MAGI1: variants seen among roughly 807,000 people sequenced by gnomAD.
The protein encoded by MAGI1 is membrane associated guanylate kinase, WW and PDZ domain containing 1, also known as membrane-associated guanylate kinase, WW and PDZ domain-containing protein 1.
MAGI1 carries 58 observed loss-of-function variants against 139.9 expected under a neutral mutation model. The observed-to-expected ratio is 0.41, with a 90% CI of 0.34 to 0.52. The LOEUF (loss-of-function observed/expected upper bound fraction) is 0.52. Ranked by LOEUF, MAGI1 falls within the 20% of genes least tolerant of loss-of-function variation. MAGI1 has a pLI of 0.12. For missense variants in MAGI1, 1,874 were observed against 1,901.6 expected, an observed-to-expected ratio of 0.99 and a Z score of 0.27; for synonymous variants, 812 against 737.9, an observed-to-expected ratio of 1.10 and a Z score of -1.63.
At chr3:65,388,912 G>A (rs1317769006) in intron 14 of MAGI1, among the ~76,000 whole-genome samples, 2 of 128,628 alleles carry the variant, frequency 1.6e-5, no homozygotes, top group African/African-American at 6.0e-5. Flanking sequence ...GCATGATCTC[G>A]GCTCACTGCA....
At chr3:65,793,985 G>C (rs1481301857) in intron 1 of MAGI1, among the ~76,000 whole-genome samples, 1 of 152,130 alleles carries the variant, frequency 6.6e-6, no homozygotes, top group African/African-American at 2.4e-5. Context: ...CTGTCTTTAT[G>C]TCAAACCCAC....
intron 1 of MAGI1, among the ~76,000 whole-genome samples, chr3:65,854,273 C>A (rs2059302116): frequency 6.6e-6 from 1 of 151,210 alleles, no homozygotes; most frequent in Non-Finnish European, 1.5e-5. Context: ...CAAAGTGAGA[C>A]CCTGTTTCAA....
intron 5 of MAGI1, among the ~76,000 whole-genome samples, chr3:65,461,603 C>G (rs1460521911): frequency 6.6e-6 from 1 of 151,798 alleles, no homozygotes; most frequent in Non-Finnish European, 1.5e-5. Flanking sequence ...ATTCTCCTGC[C>G]TCAGCCTCCC....
At chr3:65,515,549 T>C (rs2077826267) in intron 2 of MAGI1, among the ~76,000 whole-genome samples, 1 of 152,194 alleles carries the variant, frequency 6.6e-6, no homozygotes, top group African/African-American at 2.4e-5. Context: ...TCTTTGGTAG[T>C]TGTCCCTTAT....
intron 2 of MAGI1, among the ~76,000 whole-genome samples, chr3:65,528,687 C>T (rs2078499451): frequency 6.6e-6 from 1 of 152,150 alleles, no homozygotes; most frequent in South Asian, 2.1e-4. Context: ...AATGTCAACT[C>T]CCAATATTTC....
At chr3:65,940,229 G>T (rs2063243183) in intron 1 of MAGI1, among the ~76,000 whole-genome samples, 1 of 152,194 alleles carries the variant, frequency 6.6e-6, no homozygotes, top group African/African-American at 2.4e-5. Context: ...AGGAATGGCT[G>T]CTCAAAGAAT....
intron 12 of MAGI1, among the ~76,000 whole-genome samples, chr3:65,416,649 A>G (rs1488879704): frequency 2.6e-5 from 4 of 152,224 alleles, no homozygotes; most frequent in Admixed American, 6.5e-5. Context: ...TGTTGAGAAC[A>G]TTAGAAATGC....
chr3:65,609,744 C>T (rs961020903), intron 2 of MAGI1: 5 of 327,202 alleles, frequency 1.5e-5, no homozygotes, highest in Admixed American at 9.2e-5. Context: ...ACCACCATAC[C>T]TGGGTAATTT....
At chr3:66,024,380 C>T (rs1010676721) in intron 1 of MAGI1, among the ~76,000 whole-genome samples, 1 of 145,410 alleles carries the variant, frequency 6.9e-6, no homozygotes, top group Non-Finnish European at 1.5e-5. Context: ...AAAATCTACA[C>T]TAGAAACACC....
At chr3:65,806,321 C>T (rs1482327611) in intron 1 of MAGI1, among the ~76,000 whole-genome samples, 1 of 151,462 alleles carries the variant, frequency 6.6e-6, no homozygotes, top group African/African-American at 2.4e-5. Context: ...CCCAGCTACT[C>T]GGGAGGCTGA....
At chr3:65,709,137 T>C (rs1214265347) in intron 1 of MAGI1, among the ~76,000 whole-genome samples, 1 of 152,360 alleles carries the variant, frequency 6.6e-6, no homozygotes. Flanking sequence ...ATACACTACA[T>C]GGCCGTTCTC....
intron 1 of MAGI1, among the ~76,000 whole-genome samples, chr3:65,817,643 G>C (rs1376331027): frequency 6.6e-6 from 1 of 152,214 alleles, no homozygotes; most frequent in African/African-American, 2.4e-5. Flanking sequence ...AAGAAAGAGG[G>C]AGAGTGATTA....
intron 7 of MAGI1, among the ~76,000 whole-genome samples, chr3:65,446,134 A>G (rs1486522886): frequency 6.6e-6 from 1 of 152,186 alleles, no homozygotes; most frequent in East Asian, 1.9e-4. Flanking sequence ...GTGTTAATGG[A>G]AAAAAGTACC....
chr3:65,387,302 T>G, intron 14 of MAGI1: 1 of 1,097,500 alleles, frequency 9.1e-7, no homozygotes, highest in Non-Finnish European at 1.4e-6. Context: ...TTAGTTTTGA[T>G]TGATAAGGAA....
chr3:65,678,672 G>C (rs757509212), intron 1 of MAGI1, among the ~76,000 whole-genome samples: 29 of 152,140 alleles, frequency 1.9e-4, no homozygotes, highest in Non-Finnish European at 3.5e-4. Context: ...CTGAGAGCAG[G>C]AAGCCCAGAG....
At chr3:65,460,337 C>G (rs1199754335) in intron 5 of MAGI1, among the ~76,000 whole-genome samples, 1 of 152,096 alleles carries the variant, frequency 6.6e-6, no homozygotes, top group Non-Finnish European at 1.5e-5. Context: ...GTTTTGTTAT[C>G]AAGGTAATAT....
intron 2 of MAGI1, among the ~76,000 whole-genome samples, chr3:65,541,022 T>C (rs1472634625): frequency 1.3e-5 from 2 of 152,142 alleles, no homozygotes; most frequent in Non-Finnish European, 2.9e-5. Context: ...ATAAAAAAGT[T>C]TGAAAAGATA....
chr3:65,812,097 C>A (rs138904305), intron 1 of MAGI1, among the ~76,000 whole-genome samples: 1 of 152,024 alleles, frequency 6.6e-6, no homozygotes, highest in South Asian at 2.1e-4. Flanking sequence ...TGTGTCTCTC[C>A]GTAACTCAAA....
chr3:65,733,423 G>C (rs945570452), intron 1 of MAGI1, among the ~76,000 whole-genome samples: 2 of 152,136 alleles, frequency 1.3e-5, no homozygotes, highest in Admixed American at 6.5e-5. Flanking sequence ...CTATATTTTA[G>C]AATGTTTGAC....
Sources: gnomAD v4.1 joint callset for allele counts (sites outside exome capture counted in the v4.1 genomes callset) on GRCh38, gnomAD v4.1.1 for gene constraint, MANE v1.5 for transcripts, NCBI Gene and HGNC (gene_info 2026-07-23, HGNC 2026-07-21) for gene names.